The following SFMBT2 variants were observed in gnomAD, a reference collection of about 807,000 sequenced individuals.
SFMBT2 encodes the protein Scm like with four mbt domains 2.
In SFMBT2, 38 loss-of-function variants were observed where a neutral mutation model predicts 110.1. That is an observed-to-expected ratio of 0.35 (90% CI 0.27 to 0.45). The LOEUF is 0.45. Ranked by LOEUF, SFMBT2 falls within the 20% of genes least tolerant of loss-of-function variation. The pLI is 1.00. For synonymous variants in SFMBT2, 425 were observed against 425.4 expected, an observed-to-expected ratio of 1.00 and a Z score of 0.01; for missense variants, 1,011 against 1,094.9, an observed-to-expected ratio of 0.92 and a Z score of 1.08.
At chr10:7,349,479 C>T (rs1311288842) in intron 4 of SFMBT2, among the ~76,000 whole-genome samples, 3 of 62,262 alleles carry the variant, frequency 4.8e-5, no homozygotes, top group Admixed American at 5.5e-4. Context: ...GGGGGGGAGA[C>T]GGAGTTTTGC....
intron 6 of SFMBT2, among the ~76,000 whole-genome samples, chr10:7,280,625 T>C (rs1012242890): frequency 6.6e-6 from 1 of 152,130 alleles, no homozygotes; most frequent in Non-Finnish European, 1.5e-5. Context: ...ACCTTAAGAC[T>C]CTGATCACAG....
At chr10:7,375,472 T>C (rs1415728328) in intron 2 of SFMBT2, among the ~76,000 whole-genome samples, 1 of 151,870 alleles carries the variant, frequency 6.6e-6, no homozygotes. Context: ...TTTTTTTTAA[T>C]GTGGAAAGAG....
chr10:7,183,557 G>A (rs1198003484), intron 16 of SFMBT2, among the ~76,000 whole-genome samples: 1 of 152,188 alleles, frequency 6.6e-6, no homozygotes, highest in Non-Finnish European at 1.5e-5. Context: ...ATTATCTGCT[G>A]TAAAATAGAA....
At chr10:7,333,158 C>T (rs1387233428) in intron 4 of SFMBT2, among the ~76,000 whole-genome samples, 1 of 152,148 alleles carries the variant, frequency 6.6e-6, no homozygotes, top group Non-Finnish European at 1.5e-5. Context: ...TGAGCCACTG[C>T]GCCTTGCCAG....
intron 4 of SFMBT2, among the ~76,000 whole-genome samples, chr10:7,300,220 T>C (rs1196090021): frequency 6.6e-6 from 1 of 150,608 alleles, no homozygotes; most frequent in Non-Finnish European, 1.5e-5. Flanking sequence ...GGTCAACAGG[T>C]ACAGCAAACC....
chr10:7,365,153 T>G lies in SFMBT2; in HGVS notation c.436+2496A>C, dbSNP rs527483586. On this transcript the variant is annotated intron_variant, in intron 4 of 20. Transcript: ENST00000397167. ...GGGTGTGCCTCCTGACCCTGCGATTTGCGTACACAGAGCTGGAGCGGGAAC... is the reference window on the plus strand; with the variant it reads ...GGGTGTGCCTCCTGACCCTGCGATTGGCGTACACAGAGCTGGAGCGGGAAC... Among the ~76,000 whole-genome samples the G allele has an allele frequency of 3.3e-5, 5 of 152,262 alleles. No individual in the cohort carries two copies. The South Asian group carries it at 1.0e-3, about 32-fold the overall frequency.
chr10:7,199,539 C>T (rs1023598848), intron 14 of SFMBT2, among the ~76,000 whole-genome samples: 10 of 152,084 alleles, frequency 6.6e-5, no homozygotes, highest in East Asian at 1.9e-4. Flanking sequence ...AGTAAAATTA[C>T]AATTATAGAC....
At chr10:7,335,165 C>T (rs188535545) in intron 4 of SFMBT2, among the ~76,000 whole-genome samples, 3 of 152,298 alleles carry the variant, frequency 2.0e-5, no homozygotes, top group Non-Finnish European at 4.4e-5. Context: ...GAACCACGTT[C>T]AACATGTAGA....
rs1837862983 is a variant in SFMBT2, at chr10:7,171,169, C to T, written c.2416-113G>A. ...GGCCGGAAGCCACTGCCTCCCTTTG[C>T]TCCCTCACTGGGCACCTGAAAAAGC... On this transcript the variant is annotated intron_variant, in intron 19 of 20. Transcript: ENST00000397167. This position sits in a 1 kb window ranked among gnomAD's most constrained non-coding sequence, Gnocchi z 4.9. The T allele has an allele frequency of 6.5e-7, 1 of 1,548,888 alleles. No homozygotes were observed. Among genetic ancestry groups the T allele is most frequent in the East Asian group, 2.3e-5 (1 of 44,172 alleles).
chr10:7,296,896 G>T (rs963943602), intron 4 of SFMBT2, among the ~76,000 whole-genome samples: 1 of 152,178 alleles, frequency 6.6e-6, no homozygotes, highest in Admixed American at 6.5e-5. Context: ...TCCAGCAGGC[G>T]GCCTGCAGGT....
intron 5 of SFMBT2, chr10:7,285,187 T>C (rs1842051678): frequency 1.3e-5 from 2 of 152,370 alleles, no homozygotes; most frequent in African/African-American, 2.4e-5. Flanking sequence ...TAATTACTTA[T>C]GACACAGTGC....
intron 4 of SFMBT2, among the ~76,000 whole-genome samples, chr10:7,286,646 C>T (rs1448490286): frequency 1.3e-5 from 2 of 152,012 alleles, no homozygotes; most frequent in African/African-American, 4.8e-5. Context: ...TATAAGTAAT[C>T]CAGAGATGAT....
chr10:7,409,937 C>A (rs1324126262), intron 1 of SFMBT2, among the ~76,000 whole-genome samples: 2 of 151,920 alleles, frequency 1.3e-5, no homozygotes, highest in Non-Finnish European at 2.9e-5. Context: ...TTCCCACCCT[C>A]CAGGATCCCC....
intron 13 of SFMBT2, chr10:7,200,937 T>TA (rs1040468401): frequency 2.7e-6 from 2 of 751,598 alleles, no homozygotes; most frequent in Non-Finnish European, 3.2e-6. Flanking sequence ...ATGGCCACAC[T>TA]AAAAATAAGG....
At chr10:7,269,707 AGTGTGTGCGTGTGTGTGTGT>A (rs1489303760) in intron 7 of SFMBT2, among the ~76,000 whole-genome samples, 1,883 of 146,176 alleles carry the variant, frequency 0.013, 19 homozygotes, top group African/African-American at 0.021. Flanking sequence ...AAAGCAAGTA[AGTGTGTGCGTGTGTGTGTGT>A]GTGTGTGTGT....
At chr10:7,232,689 G>T (rs889291900) in intron 9 of SFMBT2, among the ~76,000 whole-genome samples, 2 of 152,122 alleles carry the variant, frequency 1.3e-5, no homozygotes, top group African/African-American at 4.8e-5. Flanking sequence ...ATTGTTGGGT[G>T]GTGGGACTCT....
At chr10:7,241,000 C>A (rs117456900) in intron 9 of SFMBT2, among the ~76,000 whole-genome samples, 1 of 152,140 alleles carries the variant, frequency 6.6e-6, no homozygotes, top group South Asian at 2.1e-4. Flanking sequence ...CCACATGTCA[C>A]GGGAGGAACC....
intron 4 of SFMBT2, among the ~76,000 whole-genome samples, chr10:7,304,286 C>T (rs1842633858): frequency 6.6e-6 from 1 of 152,144 alleles, no homozygotes; most frequent in Non-Finnish European, 1.5e-5. Context: ...AAGGGGAGTT[C>T]CCCTGCACAC....
chr10:7,380,119 T>G (rs547140201), intron 2 of SFMBT2, among the ~76,000 whole-genome samples: 3 of 152,160 alleles, frequency 2.0e-5, no homozygotes, highest in Non-Finnish European at 4.4e-5. Flanking sequence ...ATAACTTCAC[T>G]CAGCAAACAT....
Sources: allele counts gnomAD v4.1 joint callset (sites outside exome capture counted in the v4.1 genomes callset), GRCh38; gene constraint gnomAD v4.1.1; non-coding constraint Gnocchi (gnomAD v3.1); transcripts MANE v1.5; gene names NCBI Gene and HGNC (gene_info 2026-07-23, HGNC 2026-07-21).